Variants in GALNT2 observed in about 807,000 individuals in gnomAD.
GALNT2 encodes polypeptide N-acetylgalactosaminyltransferase 2.
A neutral mutation model predicts 81.4 loss-of-function variants in GALNT2; 31 were observed. The observed-to-expected ratio is 0.38, with a 90% CI of 0.29 to 0.51. GALNT2 has a LOEUF of 0.51. GALNT2 is among the 20% of genes least tolerant of loss of function. The pLI, the probability that GALNT2 is intolerant of heterozygous loss-of-function variation, is 0.87. For missense variants in GALNT2, 629 were observed against 765.7 expected (o/e 0.82, Z 2.11); for synonymous variants, 303 against 287.4 (o/e 1.05, Z -0.55).
intron 6 of GALNT2, among the ~76,000 whole-genome samples, chr1:230,239,433 G>C (rs4846938): frequency 0.11 from 16,579 of 152,180 alleles, 1,854 homozygotes; most frequent in East Asian, 0.57. Flanking sequence ...GAAGCTGACA[G>C]TTCAGCCTTC....
At chr1:230,131,239 G>GA (rs1348615696) in intron 1 of GALNT2, among the ~76,000 whole-genome samples, 1 of 151,468 alleles carries the variant, frequency 6.6e-6, no homozygotes, top group African/African-American at 2.4e-5. Flanking sequence ...TCGGGTAACA[G>GA]AAAACTGAGG....
At chr1:230,105,247 G>A (rs1226827697) in intron 1 of GALNT2, among the ~76,000 whole-genome samples, 4 of 152,172 alleles carry the variant, frequency 2.6e-5, no homozygotes, top group African/African-American at 9.7e-5. Context: ...ATGCAAACAG[G>A]TTCCCAGGGT....
rs186284094 is a variant in GALNT2, at chr1:230,109,912, G to A, written c.126+42506G>A. ...AGAAAGACAAACAAGCTCATTTTAT[G>A]CATTTGCTAACATTTGACCTCTTCT... is the stretch of plus-strand genomic sequence containing the variant. On this transcript the variant is annotated intron_variant, in intron 1 of 15. Transcript: ENST00000366672. Among the ~76,000 whole-genome samples, 20 of 152,166 alleles carry A rather than the reference G, an allele frequency of 1.3e-4. No homozygotes were observed. In the East Asian group the frequency reaches 2.9e-3, roughly 22 times the overall value.
chr1:230,277,591 C>T (rs1212639787), intron 15 of GALNT2, among the ~76,000 whole-genome samples: 1 of 152,186 alleles, frequency 6.6e-6, no homozygotes, highest in South Asian at 2.1e-4. Flanking sequence ...CAAAAGCCTC[C>T]CCGGCTCCTC....
intron 1 of GALNT2, among the ~76,000 whole-genome samples, chr1:230,163,567 A>G (rs1373335948): frequency 6.6e-6 from 1 of 152,178 alleles, no homozygotes. Context: ...TAATTCCTCC[A>G]CATCACAGTG....
chr1:230,249,046 A>T, intron 8 of GALNT2, 138 bp from the exon 9 acceptor site: 1 of 797,894 alleles, frequency 1.3e-6, no homozygotes, highest in Non-Finnish European at 2.1e-6. Flanking sequence ...TCTCCTCCAC[A>T]CCTTCTTTTT....
intron 1 of GALNT2, among the ~76,000 whole-genome samples, chr1:230,166,058 A>G (rs963335263): frequency 1.3e-5 from 2 of 152,330 alleles, no homozygotes; most frequent in African/African-American, 4.8e-5. Flanking sequence ...ACCTGTCTTT[A>G]AAGTGGTCTA....
intron 1 of GALNT2, among the ~76,000 whole-genome samples, chr1:230,116,511 A>T (rs960411267): frequency 4.6e-5 from 7 of 152,206 alleles, no homozygotes; most frequent in Non-Finnish European, 1.0e-4. Flanking sequence ...TACAGGCGTG[A>T]GCCACTGTGC....
In GALNT2 at chr1:230,271,642, C is replaced by G. The variant is rs144674964; in HGVS notation, c.1441-2803C>G. Among the ~76,000 whole-genome samples the G allele has an allele frequency of 4.1e-4, 63 of 152,350 alleles. No individual in the cohort carries two copies. Among genetic ancestry groups the G allele is most frequent in the Non-Finnish European group, 8.5e-4 (58 of 68,034 alleles). ...ATTTGCAAGAATAGTTCATAGAACT[C>G]AGGAAAACGGTTTACTTCGTGGCTT... On this transcript the variant is annotated intron_variant, in intron 14 of 15. Coordinates refer to ENST00000366672, the MANE Select transcript of GALNT2 (RefSeq NM_004481.5). The surrounding 1 kb of genome is among the most constrained non-coding windows in gnomAD (Gnocchi z 4.2).
chr1:230,136,567 G>A (rs1661550670), intron 1 of GALNT2, among the ~76,000 whole-genome samples: 1 of 152,168 alleles, frequency 6.6e-6, no homozygotes, highest in Non-Finnish European at 1.5e-5. Flanking sequence ...GTCGGAATAT[G>A]TCCAGCCCTA....
chr1:230,224,496 G>C (rs891644801), intron 3 of GALNT2, among the ~76,000 whole-genome samples: 1 of 152,170 alleles, frequency 6.6e-6, no homozygotes, highest in Admixed American at 6.5e-5. Flanking sequence ...AAAGTTTTCA[G>C]CTAAAATGTA....
At chr1:230,127,556 C>T (rs368747489) in intron 1 of GALNT2, among the ~76,000 whole-genome samples, 12 of 150,370 alleles carry the variant, frequency 8.0e-5, no homozygotes, top group African/African-American at 2.8e-4. Flanking sequence ...TTGTATTTTT[C>T]GTAGAGGCAG....
intron 11 of GALNT2, 160 bp from the exon 12 acceptor site, chr1:230,262,413 G>A (rs1214564708): frequency 1.6e-6 from 1 of 618,576 alleles, no homozygotes; most frequent in East Asian, 2.7e-5. Flanking sequence ...TCGAGGTGCT[G>A]GTGGGGACAG....
At chr1:230,081,272 C>T (rs1334169619) in intron 1 of GALNT2, among the ~76,000 whole-genome samples, 1 of 152,076 alleles carries the variant, frequency 6.6e-6, no homozygotes, top group Admixed American at 6.6e-5. Context: ...CCGAGTGGCC[C>T]CTGGGGTTCT....
At chr1:230,277,382 A>G (rs959308735) in intron 15 of GALNT2, among the ~76,000 whole-genome samples, 1 of 152,188 alleles carries the variant, frequency 6.6e-6, no homozygotes, top group Non-Finnish European at 1.5e-5. Flanking sequence ...GCTTTGACAC[A>G]TGACAGGCAG....
intron 2 of GALNT2, among the ~76,000 whole-genome samples, chr1:230,180,739 A>G (rs1425273623): frequency 1.3e-5 from 2 of 152,188 alleles, no homozygotes; most frequent in African/African-American, 4.8e-5. Context: ...CTTACTCCCC[A>G]TGAATGTCAA....
intron 1 of GALNT2, among the ~76,000 whole-genome samples, chr1:230,076,879 G>A (rs1659577066): frequency 6.6e-6 from 1 of 152,122 alleles, no homozygotes; most frequent in Middle Eastern, 3.2e-3. Flanking sequence ...TTCAAGAGTG[G>A]CCATCAAGGT....
intron 1 of GALNT2, among the ~76,000 whole-genome samples, chr1:230,137,509 A>C (rs1025575431): frequency 6.6e-6 from 1 of 152,236 alleles, no homozygotes; most frequent in East Asian, 1.9e-4. Flanking sequence ...CAGCCAGCCG[A>C]GGCTGTCACA....
At chr1:230,103,708 C>CCA (rs747500525) in intron 1 of GALNT2, among the ~76,000 whole-genome samples, 4 of 149,504 alleles carry the variant, frequency 2.7e-5, no homozygotes, top group Non-Finnish European at 5.9e-5. Context: ...CCCTCCAAAA[C>CCA]CACACACACA....
Sources: allele counts gnomAD v4.1 joint callset (sites outside exome capture counted in the v4.1 genomes callset), GRCh38; gene constraint gnomAD v4.1.1; non-coding constraint Gnocchi (gnomAD v3.1); transcripts MANE v1.5; gene names NCBI Gene and HGNC (gene_info 2026-07-23, HGNC 2026-07-21).